Variants in KCTD14 observed in about 807,000 individuals in gnomAD.
The protein encoded by KCTD14 is BTB/POZ domain-containing protein KCTD14.
Under a neutral mutation model 5.9 loss-of-function variants are expected in KCTD14, and 7 were observed. The observed-to-expected ratio is 1.19, with a 90% CI of 0.68 to 2.23. KCTD14 has a LOEUF of 2.23. Ranked by LOEUF, KCTD14 falls within the 30% of genes most tolerant of loss-of-function variation. The probability of loss-of-function intolerance (pLI) is 0.00; values close to 1 mark genes in which losing one functional copy is unlikely to be tolerated. For missense variants in KCTD14, 342 were observed against 332.2 expected, an observed-to-expected ratio of 1.03 and a Z score of -0.23; for synonymous variants, 140 against 133.1, an observed-to-expected ratio of 1.05 and a Z score of -0.36.
At chr11:78,036,839 C>T (rs968104235) in intron 2 of KCTD14, among the ~76,000 whole-genome samples, 1 of 152,234 alleles carries the variant, frequency 6.6e-6, no homozygotes, top group Admixed American at 6.5e-5. Context: ...CATGTGGCTG[C>T]TACATGCTAG....
intron 2 of KCTD14, among the ~76,000 whole-genome samples, chr11:78,030,191 T>C (rs144720672): frequency 7.8e-4 from 119 of 152,308 alleles, no homozygotes; most frequent in African/African-American, 2.7e-3. Context: ...TTGCATGTTC[T>C]TTCTTTGCCA....
At chr11:78,032,170 G>A (rs1857639998) in intron 2 of KCTD14, among the ~76,000 whole-genome samples, 1 of 152,242 alleles carries the variant, frequency 6.6e-6, no homozygotes, top group Non-Finnish European at 1.5e-5. Context: ...GAGGAAGTAT[G>A]GCTGGGCTTC....
Position 78,017,039 on chromosome 11 carries a change from G to A in KCTD14, c.322C>T (p.Arg108Cys), listed in dbSNP as rs868335410. The A allele has an allele frequency of 6.8e-6, 11 of 1,614,094 alleles. No individual in the cohort carries two copies. Among genetic ancestry groups the A allele is most frequent in the African/African-American group, 1.3e-5 (1 of 74,934 alleles). ...VPTQHIPEVY[R>C]EAQFYEIKPL... The stretch of plus-strand genomic sequence containing the variant: ...TTGATTTCGTAGAACTGAGCCTCAC[G>A]GTACACTTCAGGGATGTGCTGTGTG... Residue 108 changes from arginine to cysteine, a missense_variant, in exon 2 of 2, where the codon CGT becomes TGT. Physicochemically the swap from Arg to Cys is radical, Grantham distance 180. Coordinates refer to ENST00000353172, the MANE Select transcript of KCTD14 (RefSeq NM_023930.4).
chr11:78,029,377 A>G (rs1857555553), intron 2 of KCTD14, among the ~76,000 whole-genome samples: 1 of 152,118 alleles, frequency 6.6e-6, no homozygotes, highest in Non-Finnish European at 1.5e-5. Flanking sequence ...CCTCCCGGTT[A>G]TGGGCACCCT....
intron 2 of KCTD14, among the ~76,000 whole-genome samples, chr11:78,032,349 G>C (rs1001169937): frequency 6.6e-6 from 1 of 150,438 alleles, no homozygotes; most frequent in Non-Finnish European, 1.5e-5. Context: ...ACCAGCTCTT[G>C]GGTCTTTTAA....
upstream of KCTD14, among the ~76,000 whole-genome samples, chr11:78,026,760 T>G (rs1043459061): frequency 6.6e-6 from 1 of 151,890 alleles, no homozygotes; most frequent in Non-Finnish European, 1.5e-5. Flanking sequence ...TGGAATGAGA[T>G]CCTGTCTCAA....
At chr11:78,038,832 C>T (rs948851755) in intron 1 of KCTD14, 5 of 1,510,348 alleles carry the variant, frequency 3.3e-6, no homozygotes, top group Admixed American at 2.0e-5. Context: ...TCAGAGGGCC[C>T]AGGCCAGGAG....
chr11:78,022,859 A>C, intron 1 of KCTD14: 30 of 319,484 alleles, frequency 9.4e-5, no homozygotes, highest in East Asian at 1.6e-4. Flanking sequence ...CCGGTGGGGA[A>C]GAGACAAGGG....
At chr11:78,040,692 T>C (rs4259852) in intron 1 of KCTD14, among the ~76,000 whole-genome samples, 100,903 of 151,382 alleles carry the variant, frequency 0.67, 33,907 homozygotes, top group African/African-American at 0.7. Flanking sequence ...TTTTTTGAGA[T>C]GGAGTTTCAC....
intron 2 of KCTD14, among the ~76,000 whole-genome samples, chr11:78,028,789 A>C (rs1857539600): frequency 6.6e-6 from 1 of 152,038 alleles, no homozygotes; most frequent in Non-Finnish European, 1.5e-5. Context: ...GACAATACAA[A>C]AATTAACTGG....
chr11:78,028,177 C>A (rs1403783311), upstream of KCTD14, among the ~76,000 whole-genome samples: 1 of 152,130 alleles, frequency 6.6e-6, no homozygotes, highest in East Asian at 1.9e-4. Context: ...AAACTCATAA[C>A]CTCAGTTCAA....
In KCTD14 at chr11:78,016,759, A is replaced by G. The variant is rs770139308; in HGVS notation, c.602T>C (p.Phe201Ser). 5 of 1,614,176 alleles carry G rather than the reference A, an allele frequency of 3.1e-6. No homozygotes were observed. Among genetic ancestry groups the G allele is most frequent in the Non-Finnish European group, 4.2e-6 (5 of 1,180,022 alleles). Residue 201 changes from phenylalanine to serine, a missense_variant, in exon 2 of 2, where the codon TTT becomes TCT. By Grantham distance (155) the Phe-to-Ser change is radical. Coordinates refer to ENST00000353172, the MANE Select transcript of KCTD14 (RefSeq NM_023930.4). ...GTCTAGGACCGCCTTCCAGGGCCCA[A>G]ACTTGACAACAGACTTGAACATCTT... ...DKKMFKSVVK[F>S]GPWKAVLDNS...
upstream of KCTD14, among the ~76,000 whole-genome samples, chr11:78,027,849 C>T (rs1451059788): frequency 3.3e-5 from 5 of 152,050 alleles, no homozygotes; most frequent in African/African-American, 4.8e-5. Context: ...GAATAGATTG[C>T]AAATATTTCT....
At chr11:78,035,167 A>G (rs993557061) in intron 2 of KCTD14, among the ~76,000 whole-genome samples, 2 of 152,072 alleles carry the variant, frequency 1.3e-5, no homozygotes, top group African/African-American at 4.8e-5. Flanking sequence ...GTGGAAGTGG[A>G]GAGCATGCTG....
intron 2 of KCTD14, among the ~76,000 whole-genome samples, chr11:78,037,887 C>A (rs373928231): frequency 6.6e-6 from 1 of 151,308 alleles, no homozygotes. Flanking sequence ...GAATAAAGTT[C>A]TTTTTCTTGA....
intron 1 of KCTD14, 71 bp from the exon 2 acceptor site, chr11:78,017,341 G>A: frequency 6.7e-7 from 1 of 1,487,462 alleles, no homozygotes; most frequent in Non-Finnish European, 8.9e-7. Context: ...TTTATCCAAA[G>A]GATAACTGGA....
chr11:78,027,891 A>G (rs1857508852), upstream of KCTD14, among the ~76,000 whole-genome samples: 1 of 152,112 alleles, frequency 6.6e-6, no homozygotes, highest in South Asian at 2.1e-4. Flanking sequence ...GACTTTGTGC[A>G]TGACTGACAG....
At chr11:78,036,677 T>A (rs1234907643) in intron 2 of KCTD14, among the ~76,000 whole-genome samples, 2 of 152,250 alleles carry the variant, frequency 1.3e-5, no homozygotes, top group Non-Finnish European at 2.9e-5. Context: ...ACCACTCTAT[T>A]TGAAGGCTGT....
At position 78,017,134 on chromosome 11, in the gene KCTD14, C is replaced by T. The variant is rs536879431; in HGVS notation, c.227G>A (p.Arg76His). 22 of 1,614,106 alleles carry T rather than the reference C, an allele frequency of 1.4e-5. No homozygotes were observed. The highest frequency in any genetic ancestry group is 1.3e-4 in the East Asian group (6 of 44,860). Residue 76 changes from arginine to histidine, a missense_variant, in exon 2 of 2, where the codon CGC becomes CAC. By Grantham distance (29) the Arg-to-His change is conservative. Transcript: ENST00000353172. ...LAKASTDAEG[R>H]FFIDRPSTYF... The stretch of plus-strand genomic sequence containing the variant: ...GGTGCTGGGGCGGTCGATGAAGAAG[C>T]GGCCCTCCGCGTCCGTGGAGGCCTT...
Sources: gnomAD v4.1 joint callset for allele counts (sites outside exome capture counted in the v4.1 genomes callset) on GRCh38, gnomAD v4.1.1 for gene constraint, MANE v1.5 for transcripts, NCBI Gene and HGNC (gene_info 2026-07-23, HGNC 2026-07-21) for gene names.